Variants in SPDYA observed in about 807,000 individuals in gnomAD.
SPDYA encodes the protein speedy/RINGO cell cycle regulator family member A, also known as speedy protein A.
Under a neutral mutation model 36.7 loss-of-function variants are expected in SPDYA, and 11 were observed. That is an observed-to-expected ratio of 0.30 (90% confidence interval 0.19 to 0.50). The LOEUF is 0.50. SPDYA is among the 20% of genes least tolerant of loss of function. The pLI is 0.98. For synonymous variants in SPDYA, 115 were observed against 118.7 expected (o/e 0.97, Z 0.20); for missense variants, 287 against 370.9 (o/e 0.77, Z 1.86).
intron 5 of SPDYA, among the ~76,000 whole-genome samples, chr2:28,822,662 C>T (rs1256812876): frequency 1.3e-5 from 2 of 152,018 alleles, no homozygotes; most frequent in East Asian, 3.8e-4. Context: ...GGCTGGAGTG[C>T]AGTGGCACAA....
chr2:28,845,763 T>C (rs930361795), intron 7 of SPDYA, among the ~76,000 whole-genome samples: 17 of 152,066 alleles, frequency 1.1e-4, no homozygotes, highest in Non-Finnish European at 2.5e-4. Flanking sequence ...CAGGCTGGTC[T>C]CGAACTCCTG....
At chr2:28,819,354 A>T (rs1180015531) in intron 4 of SPDYA, among the ~76,000 whole-genome samples, 1 of 151,950 alleles carries the variant, frequency 6.6e-6, no homozygotes, top group Non-Finnish European at 1.5e-5. Flanking sequence ...TAAAAAATTT[A>T]AAAATTAGCC....
rs940829463 is a variant in SPDYA, at chr2:28,850,320, T to C, written c.*379T>C. 4.4e-6 allele frequency: 7 copies of C among 1,607,006 alleles called. No homozygotes were observed. The African/African-American group carries it at 8.0e-5, about 18-fold the overall frequency. Reference sequence around the variant, plus strand: ...CACCATTTAATATGTTCTGAAAACATTACTCACCTGTATGACCAGGTTGCC... The same window carrying C: ...CACCATTTAATATGTTCTGAAAACACTACTCACCTGTATGACCAGGTTGCC... On this transcript the variant is annotated 3_prime_UTR_variant, in exon 8 of 8. Coordinates refer to ENST00000334056, the MANE Select transcript of SPDYA (RefSeq NM_182756.4).
Position 28,810,834 on chromosome 2 carries a change from G to C in SPDYA, c.-206G>C, listed in dbSNP as rs1375897169. The C allele has an allele frequency of 1.3e-5, 2 of 152,270 alleles. No homozygotes were observed. Among genetic ancestry groups the C allele is most frequent in the East Asian group, 1.9e-4 (1 of 5,174 alleles). 9.4% of individuals were successfully genotyped at this position (152,270 alleles called of 1,614,324 possible). A position where few individuals can be genotyped will look rare whatever the true frequency, so the allele number is the denominator to read the frequency against. On this transcript the variant is annotated 5_prime_UTR_variant, in exon 1 of 8. Transcript: ENST00000334056. Reference sequence around the variant, plus strand: ...CCGGGTTGGCGGGAGACCTTAGAGCGGGTACCGCTGCTGGCTAGCGACCGA... The same window carrying C: ...CCGGGTTGGCGGGAGACCTTAGAGCCGGTACCGCTGCTGGCTAGCGACCGA...
At chr2:28,834,638 T>C (rs1462048093) in intron 6 of SPDYA, among the ~76,000 whole-genome samples, 3 of 152,238 alleles carry the variant, frequency 2.0e-5, no homozygotes, top group African/African-American at 7.2e-5. Flanking sequence ...ACATATTGTA[T>C]GATTCCATTT....
chr2:28,819,852 ATATATATATATATAT>A (rs1668107775), intron 4 of SPDYA, among the ~76,000 whole-genome samples: 1 of 5,848 alleles, frequency 1.7e-4, no homozygotes, highest in African/African-American at 7.4e-4. Flanking sequence ...AAAAAAAAAT[ATATATATATATATAT>A]ATATATATAT....
Position 28,811,078 on chromosome 2 carries a change from C to G in SPDYA, c.-93+131C>G, listed in dbSNP as rs1667827308. ...TGAGAAGGCAGCGCTCCAGCCTCGT[C>G]CTCACGCCGCCTCCCGTGGGCGCCC... is the stretch of plus-strand genomic sequence containing the variant. On this transcript the variant is annotated intron_variant, in intron 1 of 7. Coordinates refer to ENST00000334056, the MANE Select transcript of SPDYA (RefSeq NM_182756.4). The surrounding 1 kb of genome is among the most constrained non-coding windows in gnomAD (Gnocchi z 4.2). The G allele has an allele frequency of 6.6e-6, 1 of 152,394 alleles. No individual in the cohort carries two copies. The highest frequency in any genetic ancestry group is 2.4e-5 in the African/African-American group (1 of 41,470). 9.4% of individuals were successfully genotyped at this position (152,394 alleles called of 1,614,324 possible). A position where few individuals can be genotyped will look rare whatever the true frequency, so the allele number is the denominator to read the frequency against.
intron 6 of SPDYA, among the ~76,000 whole-genome samples, chr2:28,832,594 T>C (rs1668504370): frequency 6.6e-6 from 1 of 152,206 alleles, no homozygotes; most frequent in Non-Finnish European, 1.5e-5. Flanking sequence ...TCCTGACTCC[T>C]TGACACAGAC....
intron 6 of SPDYA, among the ~76,000 whole-genome samples, chr2:28,831,923 C>T (rs568660176): frequency 6.6e-6 from 1 of 152,194 alleles, no homozygotes; most frequent in Non-Finnish European, 1.5e-5. Flanking sequence ...CTTGCTTTCT[C>T]AAGGACATCA....
intron 3 of SPDYA, among the ~76,000 whole-genome samples, chr2:28,817,567 A>G (rs186704581): frequency 2.3e-4 from 35 of 150,762 alleles, no homozygotes; most frequent in Admixed American, 7.9e-4. Context: ...CTCAAAAAAA[A>G]AGAAAGAACT....
At chr2:28,819,460 A>G (rs887213289) in intron 4 of SPDYA, among the ~76,000 whole-genome samples, 4 of 152,208 alleles carry the variant, frequency 2.6e-5, no homozygotes, top group Admixed American at 1.3e-4. Context: ...GCTTTGATCA[A>G]TTGTGCCACT....
At chr2:28,818,075 G>A (rs1336724504) in intron 3 of SPDYA, among the ~76,000 whole-genome samples, 2 of 150,860 alleles carry the variant, frequency 1.3e-5, no homozygotes, top group Non-Finnish European at 3.0e-5. Flanking sequence ...GCTGAGGTGG[G>A]AGGATCTCAA....
At chr2:28,841,278 T>G (rs1668745736) in intron 7 of SPDYA, among the ~76,000 whole-genome samples, 3 of 151,758 alleles carry the variant, frequency 2.0e-5, no homozygotes, top group South Asian at 4.1e-4. Flanking sequence ...TACCATAATT[T>G]CTTTATATAT....
At chr2:28,819,839 AAAAAAAAAAAATATATATATATAT>A (rs1668092450) in intron 4 of SPDYA, among the ~76,000 whole-genome samples, 1 of 49,756 alleles carries the variant, frequency 2.0e-5, no homozygotes, top group African/African-American at 8.4e-5. Context: ...AAAAAAAAAA[AAAAAAAAAAAATATATATATATAT>A]ATATATATAT....
chr2:28,826,611 C>CTTTTTTTTTTTTTTTTTTTT (rs777338299), intron 5 of SPDYA, among the ~76,000 whole-genome samples: 3 of 75,328 alleles, frequency 4.0e-5, no homozygotes, highest in Non-Finnish European at 4.3e-5. Flanking sequence ...TTCTTTCTCT[C>CTTTTTTTTTTTTTTTTTTTT]TTTTTTTTTT....
intron 7 of SPDYA, among the ~76,000 whole-genome samples, chr2:28,847,311 C>A (rs113334068): frequency 2.6e-5 from 4 of 152,178 alleles, no homozygotes; most frequent in African/African-American, 9.6e-5. Context: ...CCATTGCACT[C>A]CAGTCTGGGC....
intron 3 of SPDYA, 69 bp from the exon 4 acceptor site, chr2:28,818,977 CAT>C: frequency 8.3e-7 from 1 of 1,210,868 alleles, no homozygotes; most frequent in Admixed American, 1.9e-5. Flanking sequence ...AATCTCTTGA[CAT>C]AGAAATTAAT....
chr2:28,845,249 C>CTT (rs372229883), intron 7 of SPDYA, among the ~76,000 whole-genome samples: 14 of 132,594 alleles, frequency 1.1e-4, no homozygotes, highest in Non-Finnish European at 7.9e-5. Context: ...CCATGCCCAG[C>CTT]TTTTTTTTTT....
In SPDYA at chr2:28,825,549, A is replaced by G. The variant is rs553391395; in HGVS notation, c.380+3139A>G. 1.3e-3 allele frequency among the ~76,000 whole-genome samples: 204 copies of G among 152,264 alleles called. 1 individual carries two copies. The highest frequency in any genetic ancestry group is 2.4e-3 in the Non-Finnish European group (160 of 68,012). ...TAAAGCTCAAGTTCTTTTCCTTTCTATACAGTCTTATAATGTTTCCTTTCT... is the reference window on the plus strand; with the variant it reads ...TAAAGCTCAAGTTCTTTTCCTTTCTGTACAGTCTTATAATGTTTCCTTTCT... On this transcript the variant is annotated intron_variant, in intron 5 of 7. Transcript: ENST00000334056.
Sources: allele counts gnomAD v4.1 joint callset (sites outside exome capture counted in the v4.1 genomes callset), GRCh38; gene constraint gnomAD v4.1.1; non-coding constraint Gnocchi (gnomAD v3.1); transcripts MANE v1.5; gene names NCBI Gene and HGNC (gene_info 2026-07-23, HGNC 2026-07-21).